HS1BP3: variants seen among roughly 807,000 people sequenced by gnomAD.
HS1BP3 encodes the protein HCLS1 binding protein 3.
In HS1BP3, 32 loss-of-function variants were observed where a neutral mutation model predicts 33.5. The ratio of observed to expected loss-of-function variants is 0.95; its 90% CI spans 0.72 to 1.28. The LOEUF is 1.28. Among genes scored for constraint, HS1BP3 ranks in the 50% most tolerant of loss-of-function variants. HS1BP3 has a pLI of 0.00. For missense variants in HS1BP3, 486 were observed against 502.3 expected, an observed-to-expected ratio of 0.97 and a Z score of 0.31; for synonymous variants, 187 against 209.2, an observed-to-expected ratio of 0.89 and a Z score of 0.92.
chr2:20,643,363 A>T (rs1170167489), intron 2 of HS1BP3, among the ~76,000 whole-genome samples: 1 of 152,238 alleles, frequency 6.6e-6, no homozygotes, highest in East Asian at 1.9e-4. Flanking sequence ...TCCCTCCTTC[A>T]TGCCCCGCAA....
At position 20,583,196 on chromosome 2, in the gene HS1BP3, C is replaced by A. The variant is rs114352865; in HGVS notation, c.303-22681G>T. On this transcript the variant is annotated intron_variant, in intron 5 of 5. Coordinates refer to the HS1BP3 transcript ENST00000446825. ...TGAGCTGAGTTTCTCAGGCCCCCAG[C>A]CTGGGCACAGGTTGTCCCATTGCAC... 6.6e-3 allele frequency among the ~76,000 whole-genome samples: 1,006 copies of A among 152,368 alleles called. 4 individuals are homozygous for A. Among genetic ancestry groups the A allele is most frequent in the Non-Finnish European group, 9.0e-3 (612 of 68,038 alleles).
At chr2:20,562,054 C>G (rs147810490) in intron 5 of HS1BP3, among the ~76,000 whole-genome samples, 1 of 152,180 alleles carries the variant, frequency 6.6e-6, no homozygotes, top group Non-Finnish European at 1.5e-5. Context: ...GGATTGCTAA[C>G]CACGTGGAGG....
chr2:20,582,097 C>T (rs1231058123), intron 5 of HS1BP3, among the ~76,000 whole-genome samples: 2 of 152,214 alleles, frequency 1.3e-5, no homozygotes, highest in Non-Finnish European at 2.9e-5. Context: ...TTCACCTTTG[C>T]CAGATTCTGT....
chr2:20,641,965 G>A lies in HS1BP3; in HGVS notation c.199-785C>T, dbSNP rs75226466. On this transcript the variant is annotated intron_variant, in intron 2 of 6. Transcript: ENST00000304031. ...TCACAGTGGTTTCAGTGCCATCGCCGTGTCTGTAACCATGTGGGTGCTCAG... is the reference window on the plus strand; with the variant it reads ...TCACAGTGGTTTCAGTGCCATCGCCATGTCTGTAACCATGTGGGTGCTCAG... Among the ~76,000 whole-genome samples, 1,021 of 152,308 alleles carry A rather than the reference G, an allele frequency of 6.7e-3. 12 individuals are homozygous for A. The highest frequency in any genetic ancestry group is 0.023 in the African/African-American group (965 of 41,556).
At chr2:20,632,014 A>G (rs981399321) in intron 4 of HS1BP3, among the ~76,000 whole-genome samples, 4 of 152,128 alleles carry the variant, frequency 2.6e-5, no homozygotes, top group Admixed American at 2.0e-4. Context: ...GCTTTCCTAA[A>G]TTTTTCCCCA....
At position 20,640,669 on chromosome 2, in the gene HS1BP3, T is replaced by C; in HGVS notation, c.406+304A>G. The C allele has an allele frequency of 7.0e-6, 4 of 574,096 alleles. No homozygotes were observed. The South Asian group carries it at 1.1e-4, about 15-fold the overall frequency. 35.6% of individuals were successfully genotyped at this position (574,096 alleles called of 1,614,324 possible). A position where few individuals can be genotyped will look rare whatever the true frequency, so the allele number is the denominator to read the frequency against. On this transcript the variant is annotated intron_variant, in intron 3 of 6. Coordinates refer to ENST00000304031, the MANE Select transcript of HS1BP3 (RefSeq NM_022460.4). ...GGGGTTGTATGTGGTGCATGGTCAG[T>C]CGGGGGGTGTCGGGCAAGCTCTAGG...
At chr2:20,622,199 C>T (rs556935967) in intron 6 of HS1BP3, 5 of 1,295,040 alleles carry the variant, frequency 3.9e-6, no homozygotes, top group East Asian at 5.6e-5. Context: ...GCTATCAGAA[C>T]ATTCTTTATT....
intron 5 of HS1BP3, among the ~76,000 whole-genome samples, chr2:20,574,183 C>T (rs369382349): frequency 2.2e-4 from 33 of 152,266 alleles, no homozygotes; most frequent in Admixed American, 1.9e-3. Context: ...CAGATGGAAG[C>T]GCTGGAACAG....
intron 1 of HS1BP3, among the ~76,000 whole-genome samples, chr2:20,648,168 C>T (rs377247651): frequency 6.6e-6 from 1 of 152,230 alleles, no homozygotes; most frequent in African/African-American, 2.4e-5. Flanking sequence ...TACTGGCCCA[C>T]GCTTATTAGC....
chr2:20,569,158 G>T (rs986233498), intron 5 of HS1BP3, among the ~76,000 whole-genome samples: 4 of 152,166 alleles, frequency 2.6e-5, no homozygotes, highest in Non-Finnish European at 5.9e-5. Context: ...AGGAGAGAGA[G>T]AGAGAAAGGG....
chr2:20,640,684 C>T, intron 3 of HS1BP3: 1 of 576,986 alleles, frequency 1.7e-6, no homozygotes, highest in East Asian at 2.8e-5. Flanking sequence ...GGGTGTCGGG[C>T]AAGCTCTAGG....
chr2:20,563,529 C>G (rs1296343386), intron 5 of HS1BP3, among the ~76,000 whole-genome samples: 1 of 152,162 alleles, frequency 6.6e-6, no homozygotes, highest in Non-Finnish European at 1.5e-5. Context: ...TTTCCTGGGG[C>G]CAGGTGTGGA....
intron 5 of HS1BP3, among the ~76,000 whole-genome samples, chr2:20,577,701 A>G (rs748876872): frequency 2.6e-5 from 4 of 152,216 alleles, no homozygotes; most frequent in African/African-American, 9.6e-5. Context: ...GGCCAGACCA[A>G]CTCAGGCCGG....
rs940846688 is a variant in HS1BP3, at chr2:20,645,605, G to A, written c.33-100C>T. The A allele has an allele frequency of 4.1e-6, 5 of 1,212,102 alleles. No individual in the cohort carries two copies. In the South Asian group the frequency reaches 7.5e-5, roughly 18 times the overall value. The allele number at this position is 1,212,102 out of a possible 1,614,324, so 75.1% of individuals were successfully genotyped here. Reference sequence around the variant, plus strand: ...CTCTGGGTGCCTGGCAGGCCTGGGTGCCAGGTGACTCTGCTGGCTGTCCTC... The same window carrying A: ...CTCTGGGTGCCTGGCAGGCCTGGGTACCAGGTGACTCTGCTGGCTGTCCTC... On this transcript the variant is annotated intron_variant, in intron 1 of 6. Coordinates refer to ENST00000304031, the MANE Select transcript of HS1BP3 (RefSeq NM_022460.4).
chr2:20,565,569 G>A (rs73235146), intron 5 of HS1BP3, among the ~76,000 whole-genome samples: 21,702 of 152,278 alleles, frequency 0.14, 1,823 homozygotes, highest in South Asian at 0.33. Flanking sequence ...CCACAAACTA[G>A]GAAAGGGTGG....
chr2:20,638,961 C>T (rs766710449), intron 3 of HS1BP3, among the ~76,000 whole-genome samples: 6 of 152,226 alleles, frequency 3.9e-5, no homozygotes, highest in Admixed American at 6.5e-5. Flanking sequence ...GGTTCCTGAA[C>T]CCAAGGCCCA....
At chr2:20,634,368 C>T (rs1695057442) in intron 4 of HS1BP3, among the ~76,000 whole-genome samples, 1 of 152,260 alleles carries the variant, frequency 6.6e-6, no homozygotes, top group South Asian at 2.1e-4. Flanking sequence ...TGAGGGGGGC[C>T]TGGAATCTCT....
chr2:20,559,739 GA>G (rs1572281852), downstream of HS1BP3, among the ~76,000 whole-genome samples: 1 of 151,194 alleles, frequency 6.6e-6, no homozygotes, highest in East Asian at 1.9e-4. Context: ...TGGATGGATG[GA>G]TGGATGGATG....
At chr2:20,598,512 T>G (rs2149281792) in intron 2 of HS1BP3, among the ~76,000 whole-genome samples, 1 of 149,754 alleles carries the variant, frequency 6.7e-6, no homozygotes, top group South Asian at 2.2e-4. Flanking sequence ...TGCAGCCCGG[T>G]TCCTAACAGG....
Sources: gnomAD v4.1 joint callset for allele counts (sites outside exome capture counted in the v4.1 genomes callset) on GRCh38, gnomAD v4.1.1 for gene constraint, MANE v1.5 for transcripts, NCBI Gene and HGNC (gene_info 2026-07-23, HGNC 2026-07-21) for gene names.